Variants in PPP3CA observed in about 807,000 individuals in gnomAD.
The protein encoded by PPP3CA is protein phosphatase 3 catalytic subunit alpha, also known as CAM-PRP catalytic subunit.
Under a neutral mutation model 66.5 loss-of-function variants are expected in PPP3CA, and 14 were observed. The observed-to-expected ratio is 0.21, with a 90% CI of 0.14 to 0.33. PPP3CA has a LOEUF of 0.33. Ranked by LOEUF, PPP3CA falls within the 10% of genes least tolerant of loss-of-function variation. The pLI is 1.00. For missense variants in PPP3CA, 317 were observed against 639.5 expected (o/e 0.50, Z 5.44); for synonymous variants, 232 against 226.2 (o/e 1.03, Z -0.23).
chr4:101,137,127 G>A, intron 2 of PPP3CA, among the ~76,000 whole-genome samples: 1 of 152,074 alleles, frequency 6.6e-6, no homozygotes, highest in East Asian at 1.9e-4. Context: ...CTGTAAGAGA[G>A]GTGTCTATTT....
chr4:101,172,491 G>C (rs1723915987), intron 2 of PPP3CA, among the ~76,000 whole-genome samples: 2 of 150,836 alleles, frequency 1.3e-5, no homozygotes, highest in African/African-American at 2.4e-5. Flanking sequence ...AAAGTATTCA[G>C]CACTGTGACT....
At chr4:101,330,677 T>C (rs1206911937) in intron 1 of PPP3CA, among the ~76,000 whole-genome samples, 9 of 152,166 alleles carry the variant, frequency 5.9e-5, no homozygotes, top group African/African-American at 2.2e-4. Context: ...ACCGACAATA[T>C]CTCCAAAATA....
At chr4:101,090,206 A>G (rs1221311224) in intron 6 of PPP3CA, among the ~76,000 whole-genome samples, 1 of 152,212 alleles carries the variant, frequency 6.6e-6, no homozygotes. Flanking sequence ...GGAGAATGAG[A>G]AACATTTTTC....
At chr4:101,150,267 T>C (rs887674023) in intron 2 of PPP3CA, among the ~76,000 whole-genome samples, 32 of 152,230 alleles carry the variant, frequency 2.1e-4, no homozygotes, top group African/African-American at 7.5e-4. Context: ...TTAGGTCTGA[T>C]TGTCTGATGA....
chr4:101,311,955 C>A (rs1244526447), intron 1 of PPP3CA, among the ~76,000 whole-genome samples: 1 of 152,074 alleles, frequency 6.6e-6, no homozygotes, highest in African/African-American at 2.4e-5. Flanking sequence ...GTTATCCAGG[C>A]TGAACTCTCT....
intron 1 of PPP3CA, among the ~76,000 whole-genome samples, chr4:101,247,566 T>C (rs982684881): frequency 2.6e-5 from 4 of 152,338 alleles, no homozygotes; most frequent in African/African-American, 7.2e-5. Context: ...GCATCATTTC[T>C]ATATTTACCA....
intron 1 of PPP3CA, among the ~76,000 whole-genome samples, chr4:101,202,454 A>G (rs77719513): frequency 1.3e-5 from 2 of 152,186 alleles, no homozygotes; most frequent in African/African-American, 2.4e-5. Flanking sequence ...ATTAAAAAAA[A>G]GTATATCAGT....
intron 2 of PPP3CA, chr4:101,171,264 A>T: frequency 2.2e-6 from 1 of 455,564 alleles, no homozygotes; most frequent in Non-Finnish European, 4.4e-6. Context: ...ACTGAATAAC[A>T]ATCTCCCACA....
chr4:101,080,728 T>C (rs1206283040), intron 7 of PPP3CA, 102 bp from the exon 8 acceptor site: 3 of 574,364 alleles, frequency 5.2e-6, no homozygotes, highest in African/African-American at 3.8e-5. Context: ...AGTTCCATCA[T>C]TCAAAGGGCC....
intron 1 of PPP3CA, among the ~76,000 whole-genome samples, chr4:101,217,206 G>A (rs1029355599): frequency 6.6e-6 from 1 of 151,964 alleles, no homozygotes; most frequent in African/African-American, 2.4e-5. Context: ...TGAATATGTG[G>A]ATTTGGGGCC....
At chr4:101,090,040 C>T (rs1729844271) in intron 6 of PPP3CA, among the ~76,000 whole-genome samples, 1 of 152,158 alleles carries the variant, frequency 6.6e-6, no homozygotes, top group Admixed American at 6.5e-5. Context: ...GATCAAAATA[C>T]CTGCCAATAA....
chr4:101,211,291 T>A (rs1725291361), intron 1 of PPP3CA, among the ~76,000 whole-genome samples: 2 of 152,272 alleles, frequency 1.3e-5, no homozygotes, highest in Admixed American at 1.3e-4. Flanking sequence ...AAAGTACACA[T>A]CCAGTTCTCC....
intron 1 of PPP3CA, among the ~76,000 whole-genome samples, chr4:101,256,801 A>AT (rs1362992787): frequency 2.0e-5 from 3 of 152,164 alleles, no homozygotes; most frequent in Non-Finnish European, 4.4e-5. Context: ...CAATAGACTA[A>AT]TAGAGATGGT....
Position 101,128,357 on chromosome 4 carries a change from A to G in PPP3CA, c.260-19279T>C, listed in dbSNP as rs573306107. On this transcript the variant is annotated intron_variant, in intron 2 of 13. Coordinates refer to ENST00000394854, the MANE Select transcript of PPP3CA (RefSeq NM_000944.5). ...GGTCTGATCATCCATCATACATTAT[A>G]TGTATTGAAACATCACTATGTTGTA... is the stretch of plus-strand genomic sequence containing the variant. Among the ~76,000 whole-genome samples the G allele has an allele frequency of 4.1e-4, 63 of 152,278 alleles. No homozygotes were observed. The South Asian group carries it at 0.012, about 30-fold the overall frequency.
intron 5 of PPP3CA, among the ~76,000 whole-genome samples, chr4:101,096,485 C>T (rs1243907813): frequency 6.6e-6 from 1 of 152,086 alleles, no homozygotes; most frequent in African/African-American, 2.4e-5. Flanking sequence ...ATAGCCTTAT[C>T]CTTTCTATTT....
intron 2 of PPP3CA, among the ~76,000 whole-genome samples, chr4:101,151,558 CAAA>C (rs139727679): frequency 1.1e-4 from 8 of 74,308 alleles, no homozygotes; most frequent in Non-Finnish European, 1.4e-4. Flanking sequence ...GACTCTGTAT[CAAA>C]AAAAAAAAAA....
chr4:101,218,407 A>C (rs1405031235), intron 1 of PPP3CA, among the ~76,000 whole-genome samples: 1 of 152,102 alleles, frequency 6.6e-6, no homozygotes, highest in South Asian at 2.1e-4. Flanking sequence ...TTTTAGCATT[A>C]AATAACTGGT....
intron 1 of PPP3CA, among the ~76,000 whole-genome samples, chr4:101,307,584 T>C (rs1330226539): frequency 6.6e-6 from 1 of 152,182 alleles, no homozygotes; most frequent in Non-Finnish European, 1.5e-5. Context: ...ATGGTTGCCA[T>C]TCTTACTATA....
At position 101,097,838 on chromosome 4, in the gene PPP3CA, T is replaced by C. The variant is rs969953898; in HGVS notation, c.642+529A>G. ...TAAACTGGAGTATTTCTTAAAAACT[T>C]CTTACAAATACTTCTTAAAAAGTCC... On this transcript the variant is annotated intron_variant, in intron 5 of 13. Transcript: ENST00000394854. Among the ~76,000 whole-genome samples the C allele has an allele frequency of 4.6e-5, 7 of 152,322 alleles. 1 individual carries two copies. Among genetic ancestry groups the C allele is most frequent in the Admixed American group, 4.6e-4 (7 of 15,292 alleles).
Sources: allele counts gnomAD v4.1 joint callset (sites outside exome capture counted in the v4.1 genomes callset), GRCh38; gene constraint gnomAD v4.1.1; transcripts MANE v1.5; gene names NCBI Gene and HGNC (gene_info 2026-07-23, HGNC 2026-07-21).